RUNX2: variants seen among roughly 807,000 people sequenced by gnomAD.
RUNX2 encodes RUNX family transcription factor 2.
A neutral mutation model predicts 51.7 loss-of-function variants in RUNX2; 10 were observed. The ratio of observed to expected loss-of-function variants is 0.19; its 90% confidence interval spans 0.12 to 0.33. The LOEUF is 0.33. Ranked by LOEUF, RUNX2 falls within the 10% of genes least tolerant of loss-of-function variation. The pLI is 1.00. For synonymous variants in RUNX2, 276 were observed against 273.6 expected (o/e 1.01, Z -0.09); for missense variants, 562 against 691.3 (o/e 0.81, Z 2.10).
At chr6:45,544,157 A>G (rs1363711508) in intron 7 of RUNX2, among the ~76,000 whole-genome samples, 1 of 152,132 alleles carries the variant, frequency 6.6e-6, no homozygotes, top group African/African-American at 2.4e-5. Flanking sequence ...TTCTCAAGAC[A>G]TTAAGACTCA....
chr6:45,367,477 T>A (rs1795339517), intron 2 of RUNX2, among the ~76,000 whole-genome samples: 2 of 150,388 alleles, frequency 1.3e-5, no homozygotes, highest in Admixed American at 6.6e-5. Context: ...AAATCACAAG[T>A]CCAAGACTGG....
At chr6:45,523,612 C>A (rs546664780) in intron 7 of RUNX2, among the ~76,000 whole-genome samples, 49 of 151,696 alleles carry the variant, frequency 3.2e-4, no homozygotes, top group Non-Finnish European at 5.7e-4. Flanking sequence ...TGTTAACATG[C>A]AGAAATAGTT....
At chr6:45,445,908 A>G (rs1224417850) in intron 5 of RUNX2, among the ~76,000 whole-genome samples, 1 of 152,108 alleles carries the variant, frequency 6.6e-6, no homozygotes, top group African/African-American at 2.4e-5. Context: ...CCAGTTTTAA[A>G]TATCTTTCAG....
At chr6:45,473,872 G>A (rs73448156) in intron 5 of RUNX2, among the ~76,000 whole-genome samples, 8,047 of 152,124 alleles carry the variant, frequency 0.053, 547 homozygotes, top group East Asian at 0.17. Context: ...TTTCTTCCTC[G>A]GTCATAGTTG....
chr6:45,432,454 G>A (rs181001796), intron 4 of RUNX2, among the ~76,000 whole-genome samples: 2 of 151,992 alleles, frequency 1.3e-5, no homozygotes, highest in Admixed American at 1.3e-4. Flanking sequence ...CTTATCACAG[G>A]TTACCTCTAT....
intron 2 of RUNX2, among the ~76,000 whole-genome samples, chr6:45,352,013 C>T (rs1792155681): frequency 6.6e-6 from 1 of 152,138 alleles, no homozygotes; most frequent in South Asian, 2.1e-4. Flanking sequence ...CTTCAAACTC[C>T]CCTACCTCAA....
chr6:45,453,244 G>A (rs981697994), intron 5 of RUNX2, among the ~76,000 whole-genome samples: 1 of 152,228 alleles, frequency 6.6e-6, no homozygotes, highest in Admixed American at 6.5e-5. Context: ...AGGATTGATA[G>A]TGGGAAGGAA....
At chr6:45,536,476 T>C (rs1278901266) in intron 7 of RUNX2, among the ~76,000 whole-genome samples, 3 of 152,200 alleles carry the variant, frequency 2.0e-5, no homozygotes, top group Non-Finnish European at 2.9e-5. Context: ...CATCAGGCAA[T>C]TCGAGCCACG....
chr6:45,496,926 C>A (rs1800665886), intron 6 of RUNX2, among the ~76,000 whole-genome samples: 1 of 151,988 alleles, frequency 6.6e-6, no homozygotes, highest in African/African-American at 2.4e-5. Context: ...GTTCACAACT[C>A]TCGCTGATGG....
intron 5 of RUNX2, among the ~76,000 whole-genome samples, chr6:45,484,254 G>T (rs1331972642): frequency 2.0e-5 from 3 of 152,060 alleles, no homozygotes. Flanking sequence ...TGGATGATGG[G>T]GGTCTAGGAA....
chr6:45,423,007 C>A (rs748619215), intron 3 of RUNX2, 50 bp downstream of exon 3: 9 of 1,588,128 alleles, frequency 5.7e-6, no homozygotes, highest in Non-Finnish European at 3.4e-6. Context: ...GCGGAACCTG[C>A]CCGCCGGTGT....
intron 2 of RUNX2, among the ~76,000 whole-genome samples, chr6:45,393,329 G>A (rs1228842784): frequency 6.6e-6 from 1 of 152,102 alleles, no homozygotes; most frequent in East Asian, 1.9e-4. Flanking sequence ...GTGGTTTTAT[G>A]TTTTTCTGGC....
chr6:45,519,651 A>T (rs929637560), intron 7 of RUNX2, among the ~76,000 whole-genome samples: 2 of 152,034 alleles, frequency 1.3e-5, no homozygotes, highest in African/African-American at 4.8e-5. Flanking sequence ...TACAATAAGT[A>T]AGTAGCTTTT....
chr6:45,414,077 ACT>A (rs1460916130), intron 2 of RUNX2, among the ~76,000 whole-genome samples: 1 of 152,286 alleles, frequency 6.6e-6, no homozygotes, highest in East Asian at 1.9e-4. Flanking sequence ...CACCTGCATA[ACT>A]CTTCTGCTTC....
At chr6:45,543,426 C>T (rs981053499) in intron 7 of RUNX2, among the ~76,000 whole-genome samples, 1 of 152,072 alleles carries the variant, frequency 6.6e-6, no homozygotes, top group East Asian at 1.9e-4. Flanking sequence ...TAAAAAGGTC[C>T]CCAAACCACC....
intron 2 of RUNX2, among the ~76,000 whole-genome samples, chr6:45,357,254 A>G (rs6932804): frequency 0.38 from 57,401 of 151,752 alleles, 11,533 homozygotes; most frequent in Non-Finnish European, 0.45. Context: ...TGACCCGCCC[A>G]CCTCGGCCTC....
chr6:45,426,508 C>T (rs924916302), intron 3 of RUNX2, among the ~76,000 whole-genome samples: 2 of 152,162 alleles, frequency 1.3e-5, no homozygotes, highest in African/African-American at 2.4e-5. Flanking sequence ...GCCTGGTGTT[C>T]AGGGTTCGTA....
intron 2 of RUNX2, among the ~76,000 whole-genome samples, chr6:45,404,259 C>CAAAAAAAAAAAA (rs34529128): frequency 2.9e-4 from 8 of 27,524 alleles, no homozygotes; most frequent in Non-Finnish European, 2.6e-4. Flanking sequence ...GACTCTGTCT[C>CAAAAAAAAAAAA]AAAAAAAAAA....
chr6:45,436,428 A>T (rs1196749440), intron 4 of RUNX2, among the ~76,000 whole-genome samples: 1 of 152,144 alleles, frequency 6.6e-6, no homozygotes, highest in Non-Finnish European at 1.5e-5. Context: ...TATTTGTGCA[A>T]TGGGGGTGAG....
Sources: allele counts gnomAD v4.1 joint callset (sites outside exome capture counted in the v4.1 genomes callset), GRCh38; gene constraint gnomAD v4.1.1; transcripts MANE v1.5; gene names NCBI Gene and HGNC (gene_info 2026-07-23, HGNC 2026-07-21).